CISD1: variants seen among roughly 807,000 people sequenced by gnomAD.
The protein encoded by CISD1 is CDGSH iron sulfur domain 1.
Under a neutral mutation model 12.0 loss-of-function variants are expected in CISD1, and 8 were observed. The ratio of observed to expected loss-of-function variants is 0.67; its 90% CI spans 0.39 to 1.20. The LOEUF is 1.20. CISD1 is among the 50% of genes most tolerant of loss of function. The probability of loss-of-function intolerance (pLI) is 0.01; values close to 1 mark genes in which losing one functional copy is unlikely to be tolerated. For synonymous variants in CISD1, 38 were observed against 42.2 expected (o/e 0.90, Z 0.39); for missense variants, 107 against 132.7 (o/e 0.81, Z 0.95).
At chr10:58,274,341 A>G (rs1839286102) in intron 1 of CISD1, among the ~76,000 whole-genome samples, 2 of 150,488 alleles carry the variant, frequency 1.3e-5, no homozygotes, top group Non-Finnish European at 1.5e-5. Flanking sequence ...CTATCTCTGT[A>G]TAGTTTCCTT....
chr10:58,275,234 A>G lies in CISD1; in HGVS notation c.32-1883A>G, dbSNP rs559913034. 2.0e-5 allele frequency among the ~76,000 whole-genome samples: 3 copies of G among 152,310 alleles called. No homozygotes were observed. In the South Asian group the frequency reaches 6.2e-4, roughly 32 times the overall value. Reference sequence around the variant, plus strand: ...AAGCAGCATTTTCGCCCATTTTGTGATAGGTACATTAGCTATTCAGAGTGG... The same window carrying G: ...AAGCAGCATTTTCGCCCATTTTGTGGTAGGTACATTAGCTATTCAGAGTGG... On this transcript the variant is annotated intron_variant, in intron 1 of 2. Coordinates refer to ENST00000333926, the MANE Select transcript of CISD1 (RefSeq NM_018464.5).
At chr10:58,276,278 T>G (rs1839314092) in intron 1 of CISD1, 1 of 152,206 alleles carries the variant, frequency 6.6e-6, no homozygotes, top group South Asian at 2.1e-4. Flanking sequence ...ACTAGATGGC[T>G]TGTTAGTCAG....
At position 58,284,427 on chromosome 10, in the gene CISD1, A is replaced by T. The variant is rs143004135; in HGVS notation, c.238-3134A>T. ...TAATTCCTAGGGTTAAGTGATATAA[A>T]AAGTACTATTAAAAAATACGTCTCT... On this transcript the variant is annotated intron_variant, in intron 2 of 2. Transcript: ENST00000333926. Among the ~76,000 whole-genome samples the T allele has an allele frequency of 4.7e-4, 72 of 152,322 alleles. 1 individual carries two copies. Among genetic ancestry groups the T allele is most frequent in the South Asian group, 3.7e-3 (18 of 4,832 alleles).
At chr10:58,278,604 T>C (rs1368297456) in intron 2 of CISD1, among the ~76,000 whole-genome samples, 1 of 152,174 alleles carries the variant, frequency 6.6e-6, no homozygotes, top group Non-Finnish European at 1.5e-5. Flanking sequence ...TCAATAAAAA[T>C]GATGTATCTG....
intron 1 of CISD1, among the ~76,000 whole-genome samples, chr10:58,269,759 T>C (rs1271387514): frequency 6.6e-6 from 1 of 152,220 alleles, no homozygotes; most frequent in Non-Finnish European, 1.5e-5. Flanking sequence ...CATCTTAGTT[T>C]TGCAGATTTT....
intron 2 of CISD1, among the ~76,000 whole-genome samples, chr10:58,277,537 G>C (rs1189996789): frequency 6.6e-6 from 1 of 151,300 alleles, no homozygotes; most frequent in African/African-American, 2.4e-5. Context: ...TTGTGCCTCA[G>C]CCACCGAGTA....
chr10:58,277,695 G>A (rs922027225), intron 2 of CISD1, among the ~76,000 whole-genome samples: 1 of 151,522 alleles, frequency 6.6e-6, no homozygotes, highest in Non-Finnish European at 1.5e-5. Flanking sequence ...CCAGTATGCA[G>A]TAGAATTACG....
chr10:58,277,424 T>C, intron 2 of CISD1, 102 bp downstream of exon 2: 1 of 842,750 alleles, frequency 1.2e-6, no homozygotes. Flanking sequence ...TGATATCCCT[T>C]TTTTGTTGTT....
intron 2 of CISD1, among the ~76,000 whole-genome samples, chr10:58,278,745 A>G (rs758123084): frequency 8.5e-5 from 13 of 152,200 alleles, no homozygotes; most frequent in Non-Finnish European, 1.8e-4. Flanking sequence ...AAAATTTGAA[A>G]TCTGAAATGC....
intron 2 of CISD1, among the ~76,000 whole-genome samples, chr10:58,281,621 A>G (rs576110595): frequency 6.6e-6 from 1 of 152,370 alleles, no homozygotes; most frequent in Non-Finnish European, 1.5e-5. Context: ...CACAAAGACT[A>G]ATTAATACCT....
intron 1 of CISD1, among the ~76,000 whole-genome samples, chr10:58,275,328 A>G (rs1383768252): frequency 6.6e-6 from 1 of 152,236 alleles, no homozygotes; most frequent in Non-Finnish European, 1.5e-5. Context: ...AGAAAGTTCC[A>G]TGGTAAATAA....
In CISD1 at chr10:58,289,534, A is replaced by G. The variant is rs370212927; in HGVS notation, c.*1884A>G. On this transcript the variant is annotated 3_prime_UTR_variant, in exon 3 of 3. Transcript: ENST00000333926. Reference sequence around the variant, plus strand: ...TAAAATGTTTACATGCTTTTGAACTAGCATTCATTTATGATTAAAACCCTT... The same window carrying G: ...TAAAATGTTTACATGCTTTTGAACTGGCATTCATTTATGATTAAAACCCTT... 15 of 152,222 alleles carry G rather than the reference A, an allele frequency of 9.9e-5. No homozygotes were observed. Among genetic ancestry groups the G allele is most frequent in the Admixed American group, 8.5e-4 (13 of 15,288 alleles). The allele number at this position is 152,222 out of a possible 1,614,324, so 9.4% of individuals were successfully genotyped here. A position where few individuals can be genotyped will look rare whatever the true frequency, so the allele number is the denominator to read the frequency against.
At chr10:58,286,717 A>G (rs937181787) in intron 2 of CISD1, among the ~76,000 whole-genome samples, 1 of 152,194 alleles carries the variant, frequency 6.6e-6, no homozygotes, top group African/African-American at 2.4e-5. Flanking sequence ...ACTGGACACC[A>G]AAACAGCAGT....
chr10:58,274,142 G>A (rs202101256), intron 1 of CISD1, among the ~76,000 whole-genome samples: 1 of 137,504 alleles, frequency 7.3e-6, no homozygotes. Flanking sequence ...CAAAAAAAAA[G>A]AAAAAAGAAA....
chr10:58,271,758 T>TAA (rs11435070), intron 1 of CISD1, among the ~76,000 whole-genome samples: 4 of 151,406 alleles, frequency 2.6e-5, no homozygotes, highest in African/African-American at 7.3e-5. Flanking sequence ...AGGTAGTTTA[T>TAA]AAAAAAAAAT....
chr10:58,269,964 C>T (rs2132274942), intron 1 of CISD1, among the ~76,000 whole-genome samples: 1 of 152,190 alleles, frequency 6.6e-6, no homozygotes, highest in African/African-American at 2.4e-5. Flanking sequence ...CAGAAAGTCC[C>T]GTTATAATAA....
In CISD1 at chr10:58,287,566, A is replaced by G. The variant is rs1839442675; in HGVS notation, c.243A>G (p.Pro81=). The G allele has an allele frequency of 6.2e-7, 1 of 1,604,294 alleles. No homozygotes were observed. Residue 81 remains proline (P), a synonymous_variant, in exon 3 of 3, where the codon CCA becomes CCG. Coordinates refer to ENST00000333926, the MANE Select transcript of CISD1 (RefSeq NM_018464.5). ...YCRCWRSKKF[P]FCDGAHTKHN... ...TTCATTCTTTCTCTTCCTAGTTCCC[A>G]TTCTGTGATGGGGCTCACACAAAAC...
Position 58,288,690 on chromosome 10 carries a change from A to G in CISD1, c.*1040A>G, listed in dbSNP as rs1839457286. The G allele has an allele frequency of 6.6e-6, 1 of 152,306 alleles. No individual in the cohort carries two copies. Among genetic ancestry groups the G allele is most frequent in the African/African-American group, 2.4e-5 (1 of 41,464 alleles). 9.4% of individuals were successfully genotyped at this position (152,306 alleles called of 1,614,324 possible). On this transcript the variant is annotated 3_prime_UTR_variant, in exon 3 of 3. Coordinates refer to ENST00000333926, the MANE Select transcript of CISD1 (RefSeq NM_018464.5). ...TGTTGATTCAGAAAAAAGAAAATAT[A>G]AAAACTGAAAATAATTAGCAATAAA...
chr10:58,281,634 G>T (rs898143482), intron 2 of CISD1, among the ~76,000 whole-genome samples: 1 of 152,190 alleles, frequency 6.6e-6, no homozygotes, highest in Non-Finnish European at 1.5e-5. Context: ...TAATACCTTT[G>T]ATTAAGTGGC....
Sources: gnomAD v4.1 joint callset for allele counts (sites outside exome capture counted in the v4.1 genomes callset) on GRCh38, gnomAD v4.1.1 for gene constraint, MANE v1.5 for transcripts, NCBI Gene and HGNC (gene_info 2026-07-23, HGNC 2026-07-21) for gene names.